PRR33: variants seen among roughly 807,000 people sequenced by gnomAD.
The protein encoded by PRR33 is proline rich 33.
In PRR33, 1 loss-of-function variant was observed where a neutral mutation model predicts 0.5. The ratio of observed to expected loss-of-function variants is 2.18; its 90% CI spans 0.77 to 10.34. The LOEUF is 10.34. Ranked by LOEUF, PRR33 falls within the 30% of genes most tolerant of loss-of-function variation. The pLI is 0.13. For synonymous variants in PRR33, 226 were observed against 110.0 expected, an observed-to-expected ratio of 2.06 and a Z score of -6.60; for missense variants, 552 against 251.8, an observed-to-expected ratio of 2.19 and a Z score of -8.07.
At chr11:1,896,967 A>G in the PRR33 span, among the ~76,000 whole-genome samples, 6 of 152,240 alleles carry the variant, frequency 3.9e-5, no homozygotes, top group African/African-American at 1.4e-4. Context: ...CCCCCAAACC[A>G]AAATAGGTTC....
chr11:1,910,398 C>T, the PRR33 span, among the ~76,000 whole-genome samples: 4 of 152,186 alleles, frequency 2.6e-5, no homozygotes, highest in Admixed American at 6.5e-5. Flanking sequence ...TACAGGCACC[C>T]GCCACCACGT....
At chr11:1,913,719 C>T in the PRR33 span, among the ~76,000 whole-genome samples, 6 of 152,262 alleles carry the variant, frequency 3.9e-5, no homozygotes, top group Non-Finnish European at 8.8e-5. Context: ...CAGCTTTGGT[C>T]ACTGTCTCTC....
chr11:1,916,217 C>A, the PRR33 span, among the ~76,000 whole-genome samples: 1 of 152,112 alleles, frequency 6.6e-6, no homozygotes, highest in Non-Finnish European at 1.5e-5. Context: ...CTCAGCCCTG[C>A]AGCCTTCAGC....
At chr11:1,917,204 G>T in the PRR33 span, among the ~76,000 whole-genome samples, 1 of 152,186 alleles carries the variant, frequency 6.6e-6, no homozygotes, top group South Asian at 2.1e-4. Flanking sequence ...GATCCAGCCT[G>T]GGGGCTCAGG....
the PRR33 span, among the ~76,000 whole-genome samples, chr11:1,899,654 G>T: frequency 6.6e-6 from 1 of 152,160 alleles, no homozygotes; most frequent in Non-Finnish European, 1.5e-5. Context: ...AGGCAGCCCA[G>T]TTCATTCATT....
exon 1 of PRR33, chr11:1,889,677 G>C (rs1307569807): frequency 1.6e-6 from 1 of 634,092 alleles, no homozygotes; most frequent in Non-Finnish European, 2.9e-6. Context: ...GGCCTCAGCG[G>C]CGGGGCCAGC....
exon 1 of PRR33, chr11:1,891,328 G>C (rs915892236): frequency 3.3e-5 from 5 of 152,302 alleles, no homozygotes; most frequent in African/African-American, 9.6e-5. Context: ...GTTTGGGGAA[G>C]GAGGGAGTCC....
At chr11:1,902,274 T>C in the PRR33 span, among the ~76,000 whole-genome samples, 1 of 150,452 alleles carries the variant, frequency 6.6e-6, no homozygotes, top group African/African-American at 2.4e-5. Context: ...CACCAACCTG[T>C]GGATAGGTGG....
At chr11:1,888,307 C>A (rs1208946204) in exon 1 of PRR33, among the ~76,000 whole-genome samples, 3 of 152,208 alleles carry the variant, frequency 2.0e-5, no homozygotes, top group Admixed American at 1.3e-4. Flanking sequence ...CCACTCTCCC[C>A]ACCAGGGCCA....
At chr11:1,904,076 A>G in the PRR33 span, among the ~76,000 whole-genome samples, 1 of 152,238 alleles carries the variant, frequency 6.6e-6, no homozygotes, top group South Asian at 2.1e-4. Context: ...ACACACATCC[A>G]TGGAGCTTTG....
chr11:1,892,594 A>G (rs969184758), upstream of PRR33, among the ~76,000 whole-genome samples: 2 of 152,230 alleles, frequency 1.3e-5, no homozygotes, highest in Non-Finnish European at 2.9e-5. Flanking sequence ...CTCCCCCAAC[A>G]CCACACAGGA....
At chr11:1,908,477 A>G in the PRR33 span, among the ~76,000 whole-genome samples, 1 of 152,032 alleles carries the variant, frequency 6.6e-6, no homozygotes, top group Non-Finnish European at 1.5e-5. Context: ...TTGTCATTCA[A>G]GTTTGTCATT....
At chr11:1,893,353 G>C (rs1021983107), upstream of PRR33, among the ~76,000 whole-genome samples, 2 of 151,702 alleles carry the variant, frequency 1.3e-5, no homozygotes, top group African/African-American at 4.8e-5. Flanking sequence ...GGGTAAGCAG[G>C]TGGGTGGATG....
chr11:1,890,494 G>C, exon 1 of PRR33: 1 of 717,124 alleles, frequency 1.4e-6, no homozygotes, highest in Non-Finnish European at 2.6e-6. Context: ...TCCTTCCCTG[G>C]CTTGGGCAGC....
chr11:1,907,053 G>C, the PRR33 span, among the ~76,000 whole-genome samples: 2 of 152,222 alleles, frequency 1.3e-5, no homozygotes, highest in African/African-American at 2.4e-5. Flanking sequence ...TTCCCAGCCC[G>C]GGAAGCACTG....
chr11:1,905,302 A>AT, the PRR33 span, among the ~76,000 whole-genome samples: 25 of 150,640 alleles, frequency 1.7e-4, no homozygotes, highest in Admixed American at 1.7e-3. Flanking sequence ...TAATTTTTAA[A>AT]TTTTAATAGA....
the PRR33 span, among the ~76,000 whole-genome samples, chr11:1,907,578 A>AT: frequency 9.2e-5 from 14 of 152,030 alleles, no homozygotes; most frequent in East Asian, 1.9e-4. Context: ...TGCCCGGCTT[A>AT]TTTTTTTATA....
chr11:1,903,772 T>G, the PRR33 span, among the ~76,000 whole-genome samples: 1 of 152,180 alleles, frequency 6.6e-6, no homozygotes, highest in Non-Finnish European at 1.5e-5. Context: ...TAGATCCTCG[T>G]GATCAACTGA....
the PRR33 span, among the ~76,000 whole-genome samples, chr11:1,910,820 A>G: frequency 6.6e-6 from 1 of 152,124 alleles, no homozygotes; most frequent in Admixed American, 6.5e-5. Context: ...TGCAGTTTTA[A>G]TTTGGTTTCC....
Sources: gnomAD v4.1 joint callset for allele counts (sites outside exome capture counted in the v4.1 genomes callset) on GRCh38, gnomAD v4.1.1 for gene constraint, MANE v1.5 for transcripts, NCBI Gene and HGNC (gene_info 2026-07-23, HGNC 2026-07-21) for gene names.